Variants in TMTC4 observed in about 807,000 individuals in gnomAD.
The protein encoded by TMTC4 is protein O-mannosyl-transferase TMTC4.
In TMTC4, 65 loss-of-function variants were observed where a neutral mutation model predicts 86.0. The ratio of observed to expected loss-of-function variants is 0.76; its 90% CI spans 0.62 to 0.93. TMTC4 has a LOEUF of 0.93. Ranked by LOEUF, TMTC4 falls within the 40% of genes least tolerant of loss-of-function variation. TMTC4 has a pLI of 0.00. For missense variants in TMTC4, 866 were observed against 948.1 expected (o/e 0.91, Z 1.14); for synonymous variants, 379 against 382.5 (o/e 0.99, Z 0.11).
chr13:100,650,940 A>C (rs1884358852), intron 6 of TMTC4, among the ~76,000 whole-genome samples: 1 of 152,246 alleles, frequency 6.6e-6, no homozygotes, highest in African/African-American at 2.4e-5. Context: ...ATCCCATTTT[A>C]GTGCCTGAAC....
At chr13:100,612,626 C>A in intron 16 of TMTC4, 116 bp from the exon 17 acceptor site, 7 of 617,034 alleles carry the variant, frequency 1.1e-5, no homozygotes, top group Non-Finnish European at 1.7e-5. Context: ...GAATAAACTA[C>A]TTAAGAAAAT....
chr13:100,652,560 T>A (rs1030242412), intron 6 of TMTC4, among the ~76,000 whole-genome samples: 1 of 151,872 alleles, frequency 6.6e-6, no homozygotes, highest in African/African-American at 2.4e-5. Context: ...CAAATGAAAA[T>A]ATATATATAT....
At chr13:100,618,822 G>A (rs991736440) in intron 15 of TMTC4, among the ~76,000 whole-genome samples, 2 of 152,228 alleles carry the variant, frequency 1.3e-5, no homozygotes, top group East Asian at 1.9e-4. Flanking sequence ...TCACCGATTA[G>A]CAGGATCCCA....
At chr13:100,664,452 A>G (rs1330281509) in intron 3 of TMTC4, 116 bp from the exon 4 acceptor site, 1 of 651,568 alleles carries the variant, frequency 1.5e-6, no homozygotes, top group Admixed American at 3.2e-5. Flanking sequence ...GCTGTGCCCA[A>G]CATGTTCTCT....
At chr13:100,663,539 C>A (rs554731270) in intron 4 of TMTC4, among the ~76,000 whole-genome samples, 1 of 152,254 alleles carries the variant, frequency 6.6e-6, no homozygotes, top group East Asian at 1.9e-4. Context: ...CTCATGGTTA[C>A]CCCCTAGGGA....
In TMTC4 at chr13:100,651,200, C is replaced by T. The variant is rs1448654502; in HGVS notation, c.640+5181G>A. 7.2e-5 allele frequency among the ~76,000 whole-genome samples: 11 copies of T among 152,160 alleles called. 1 individual carries two copies. Among genetic ancestry groups the T allele is most frequent in the Admixed American group, 7.2e-4 (11 of 15,270 alleles). ...CCATGAGACAAGTATTTTAAGGTAT[C>T]AGTTTAGAAACGAAATTGTTTTGGC... On this transcript the variant is annotated intron_variant, in intron 6 of 18. Transcript: ENST00000342624.
chr13:100,634,862 C>T lies in TMTC4; in HGVS notation c.1449G>A (p.Trp483Ter), dbSNP rs1881976592. 3 of 1,614,172 alleles carry T rather than the reference C, an allele frequency of 1.9e-6. No individual in the cohort carries two copies. Among genetic ancestry groups the T allele is most frequent in the Non-Finnish European group, 2.5e-6 (3 of 1,180,018 alleles). Residue 483 changes from tryptophan to a stop codon, truncating the protein, a stop_gained, in exon 12 of 19, where the codon TGG becomes TGA. Coordinates refer to ENST00000342624, the MANE Select transcript of TMTC4 (RefSeq NM_032813.5). LOFTEE classifies it high-confidence loss of function. ...TTCTGAAAAGCTGTTCCTCACTCCGCCACTCGCCGCTGCGCAGCACACATC... is the reference window on the plus strand; with the variant it reads ...TTCTGAAAAGCTGTTCCTCACTCCGTCACTCGCCGCTGCGCAGCACACATC... ...TLRCVLRSGE[W>*]RSEEQLFRSA...
chr13:100,662,337 C>A (rs1377122442), intron 5 of TMTC4, among the ~76,000 whole-genome samples: 3 of 151,540 alleles, frequency 2.0e-5, no homozygotes, highest in African/African-American at 4.8e-5. Context: ...ACATCAGCAT[C>A]TCCTCAGTGG....
intron 6 of TMTC4, among the ~76,000 whole-genome samples, chr13:100,645,897 A>G (rs986235466): frequency 4.6e-5 from 7 of 152,122 alleles, no homozygotes; most frequent in African/African-American, 1.7e-4. Context: ...TCTACTCATC[A>G]GAGGCCAGTA....
Position 100,674,761 on chromosome 13 carries a change from C to T in TMTC4, c.-225G>A, listed in dbSNP as rs1887637577. 8.1e-6 allele frequency: 8 copies of T among 983,828 alleles called. No homozygotes were observed. The highest frequency in any genetic ancestry group is 9.6e-6 in the Non-Finnish European group (8 of 829,312). 60.9% of individuals were successfully genotyped at this position (983,828 alleles called of 1,614,324 possible). A position where few individuals can be genotyped will look rare whatever the true frequency, so the allele number is the denominator to read the frequency against. On this transcript the variant is annotated 5_prime_UTR_variant, in exon 1 of 19. Transcript: ENST00000342624. The stretch of plus-strand genomic sequence containing the variant: ...CGCGTTACCTGCAAGGAGCCTGAGC[C>T]CCGGCCGCATCTCCCTCCCGGGTGC...
intron 6 of TMTC4, among the ~76,000 whole-genome samples, chr13:100,642,997 T>G (rs370215418): frequency 1.3e-5 from 2 of 152,182 alleles, no homozygotes; most frequent in East Asian, 3.9e-4. Context: ...GTGTGAACAC[T>G]GTAAGAAGCT....
chr13:100,664,455 T>C, intron 3 of TMTC4, 119 bp from the exon 4 acceptor site: 1 of 627,546 alleles, frequency 1.6e-6, no homozygotes, highest in Non-Finnish European at 2.7e-6. Flanking sequence ...GTGCCCAACA[T>C]GTTCTCTATG....
At chr13:100,634,761 T>C in intron 12 of TMTC4, 44 bp downstream of exon 12, 1 of 1,586,438 alleles carries the variant, frequency 6.3e-7, no homozygotes, top group Non-Finnish European at 8.6e-7. Flanking sequence ...ACTTAACAGA[T>C]ACCCTAGTAA....
intron 6 of TMTC4, among the ~76,000 whole-genome samples, chr13:100,645,399 A>G (rs1242268185): frequency 6.6e-6 from 1 of 152,186 alleles, no homozygotes; most frequent in African/African-American, 2.4e-5. Flanking sequence ...CCACCCTCTC[A>G]GGCAGGTCTC....
chr13:100,622,895 G>A (rs1479172817), intron 15 of TMTC4, among the ~76,000 whole-genome samples: 1 of 152,174 alleles, frequency 6.6e-6, no homozygotes, highest in Non-Finnish European at 1.5e-5. Flanking sequence ...GACTTCTGCA[G>A]AGGGGGAAGG....
Position 100,614,275 on chromosome 13 carries a change from G to A in TMTC4, c.1951+41C>T, listed in dbSNP as rs147167828. 3,555 of 1,459,252 alleles carry A rather than the reference G, an allele frequency of 2.4e-3. 78 individuals are homozygous for A. The African/African-American group carries it at 0.042, about 17-fold the overall frequency. 90.4% of individuals were successfully genotyped at this position (1,459,252 alleles called of 1,614,324 possible). On this transcript the variant is annotated intron_variant, in intron 16 of 18. Transcript: ENST00000342624. ...TAAGTCTTCGGTGGCATTTTACTGT[G>A]GAGCCATTTCCTGTGATTTGTTCCA...
rs181148505 is a variant in TMTC4, at chr13:100,620,811, C to A, written c.1836+4724G>T. 2.0e-5 allele frequency among the ~76,000 whole-genome samples: 3 copies of A among 152,154 alleles called. No homozygotes were observed. The East Asian group carries it at 5.8e-4, about 29-fold the overall frequency. ...CAAAACAAATCGCTGTCTCCTGTTA[C>A]TAGAGAGTGATTTCTTAAAACAAAC... On this transcript the variant is annotated intron_variant, in intron 15 of 18. Transcript: ENST00000342624.
intron 12 of TMTC4, among the ~76,000 whole-genome samples, chr13:100,627,901 A>G (rs1880790791): frequency 6.6e-6 from 1 of 152,174 alleles, no homozygotes; most frequent in Non-Finnish European, 1.5e-5. Context: ...CTGTGGCTGC[A>G]GTCCTAGGAG....
At chr13:100,612,861 T>A (rs1594232543) in intron 16 of TMTC4, among the ~76,000 whole-genome samples, 1 of 152,238 alleles carries the variant, frequency 6.6e-6, no homozygotes, top group East Asian at 1.9e-4. Context: ...CAGTAACACT[T>A]TCATAACTGA....
Sources: gnomAD v4.1 joint callset for allele counts (sites outside exome capture counted in the v4.1 genomes callset) on GRCh38, gnomAD v4.1.1 for gene constraint, MANE v1.5 for transcripts, NCBI Gene and HGNC (gene_info 2026-07-23, HGNC 2026-07-21) for gene names.